The following NCOR2 variants were observed in gnomAD, a reference collection of about 807,000 sequenced individuals.
NCOR2 encodes nuclear receptor corepressor 2.
Under a neutral mutation model 262.9 loss-of-function variants are expected in NCOR2, and 81 were observed. The ratio of observed to expected loss-of-function variants is 0.31; its 90% CI spans 0.26 to 0.37. The LOEUF (loss-of-function observed/expected upper bound fraction) is 0.37, where lower values mean the gene tolerates loss of function less well. NCOR2 is among the 10% of genes least tolerant of loss of function. The pLI is 1.00. For synonymous variants in NCOR2, 1,659 were observed against 1,559.3 expected (o/e 1.06, Z -1.51); for missense variants, 3,385 against 3,621.4 (o/e 0.93, Z 1.68).
At position 124,517,804 on chromosome 12, in the gene NCOR2, G is replaced by A. The variant is rs528955260; in HGVS notation, c.-118+17761C>T. ...GCCTGCCCGGCCAGCGCCTCCGAGC[G>A]CTCTTTTCCGTGACTGCAGCAACTT... On this transcript the variant is annotated intron_variant, in intron 1 of 46. Coordinates refer to the NCOR2 transcript ENST00000404621. This position sits in a 1 kb window ranked among gnomAD's most constrained non-coding sequence, Gnocchi z 7.6. Among the ~76,000 whole-genome samples the A allele has an allele frequency of 8.7e-4, 133 of 152,274 alleles. 1 individual carries two copies. Among genetic ancestry groups the A allele is most frequent in the South Asian group, 1.4e-3 (7 of 4,830 alleles).
At chr12:124,335,887 G>T in intron 38 of NCOR2, 1 of 509,300 alleles carries the variant, frequency 2.0e-6, no homozygotes, top group Non-Finnish European at 3.5e-6. Flanking sequence ...AGAGAGATTA[G>T]GCAAGAAGGG....
At chr12:124,357,657 A>G (rs2038056820) in intron 22 of NCOR2, among the ~76,000 whole-genome samples, 1 of 152,226 alleles carries the variant, frequency 6.6e-6, no homozygotes, top group South Asian at 2.1e-4. Context: ...GCATTTATGT[A>G]TTGTCTATGG....
chr12:124,532,613 G>A (rs143655994), intron 1 of NCOR2, among the ~76,000 whole-genome samples: 73 of 152,320 alleles, frequency 4.8e-4, no homozygotes, highest in African/African-American at 1.7e-3. Flanking sequence ...AGTGCTTGCA[G>A]ACAAAAAGCC....
intron 7 of NCOR2, among the ~76,000 whole-genome samples, chr12:124,448,608 C>G (rs909272785): frequency 6.6e-6 from 1 of 152,106 alleles, no homozygotes; most frequent in African/African-American, 2.4e-5. Flanking sequence ...AGGGCCTCAA[C>G]TAGCAAGGAG....
chr12:124,376,677 A>G (rs11837407), intron 18 of NCOR2, among the ~76,000 whole-genome samples: 75,215 of 152,046 alleles, frequency 0.49, 19,469 homozygotes, highest in Middle Eastern at 0.59. Flanking sequence ...GGAAGCGGGG[A>G]TTCGGGCTGG....
intron 31 of NCOR2, among the ~76,000 whole-genome samples, chr12:124,345,690 A>G (rs1199012612): frequency 1.3e-5 from 2 of 152,210 alleles, no homozygotes; most frequent in African/African-American, 2.4e-5. Flanking sequence ...GATGCTTCCA[A>G]GGACTCCATA....
chr12:124,345,417 C>A (rs1221718904), intron 31 of NCOR2, among the ~76,000 whole-genome samples: 3 of 152,152 alleles, frequency 2.0e-5, no homozygotes, highest in Non-Finnish European at 4.4e-5. Context: ...GAGGTCAGGG[C>A]TGAGGTGTTT....
intron 1 of NCOR2, among the ~76,000 whole-genome samples, chr12:124,511,295 C>A (rs920424213): frequency 6.6e-6 from 1 of 152,182 alleles, no homozygotes; most frequent in Non-Finnish European, 1.5e-5. Flanking sequence ...TCCAAGTGGC[C>A]GAGAACTCTG....
chr12:124,356,835 C>T (rs1375943909), intron 22 of NCOR2, 53 bp from the exon 25 acceptor site: 1 of 1,425,642 alleles, frequency 7.0e-7, no homozygotes, highest in African/African-American at 1.5e-5. Context: ...GCAGTCAGAC[C>T]TCGGGAGCCC....
chr12:124,449,268 C>T (rs2045376915), intron 7 of NCOR2, among the ~76,000 whole-genome samples: 1 of 152,166 alleles, frequency 6.6e-6, no homozygotes, highest in Admixed American at 6.5e-5. Context: ...GGAAAAGGCC[C>T]CCATCATTAG....
intron 15 of NCOR2, among the ~76,000 whole-genome samples, chr12:124,399,404 C>A (rs1296647112): frequency 2.0e-5 from 3 of 152,120 alleles, no homozygotes; most frequent in Non-Finnish European, 4.4e-5. Context: ...AGAGGACTAT[C>A]CCCAGAGATC....
chr12:124,487,704 G>C (rs1397104887), intron 1 of NCOR2, among the ~76,000 whole-genome samples: 1 of 152,246 alleles, frequency 6.6e-6, no homozygotes, highest in African/African-American at 2.4e-5. Flanking sequence ...TGACAGTCTT[G>C]ACGCTGATAG....
At chr12:124,361,085 G>A (rs754014076) in intron 22 of NCOR2, among the ~76,000 whole-genome samples, 2 of 143,492 alleles carry the variant, frequency 1.4e-5, no homozygotes, top group Non-Finnish European at 3.0e-5. Flanking sequence ...TTGTGCCACT[G>A]CACTCCAACC....
chr12:124,420,314 A>C (rs1593457871), intron 12 of NCOR2, among the ~76,000 whole-genome samples: 1 of 152,218 alleles, frequency 6.6e-6, no homozygotes, highest in South Asian at 2.1e-4. Context: ...CCTGGCCCAG[A>C]GCAAACATGA....
chr12:124,559,128 C>G (rs142339127), intron 1 of NCOR2, among the ~76,000 whole-genome samples: 1 of 152,286 alleles, frequency 6.6e-6, no homozygotes, highest in African/African-American at 2.4e-5. Flanking sequence ...CGGGTCTGGT[C>G]CAATTCCACC....
chr12:124,452,730 A>G (rs1159561011), intron 6 of NCOR2, among the ~76,000 whole-genome samples: 2 of 152,176 alleles, frequency 1.3e-5, no homozygotes, highest in African/African-American at 4.8e-5. Context: ...GGGCAGCAAG[A>G]GCCCGGTCAG....
intron 13 of NCOR2, among the ~76,000 whole-genome samples, chr12:124,414,002 T>C (rs2042731202): frequency 7.6e-6 from 1 of 130,948 alleles, no homozygotes; most frequent in Non-Finnish European, 1.6e-5. Context: ...TCACCTGGGG[T>C]CCCCGCATCC....
At chr12:124,474,303 A>G (rs2046982457) in intron 3 of NCOR2, among the ~76,000 whole-genome samples, 1 of 152,244 alleles carries the variant, frequency 6.6e-6, no homozygotes, top group African/African-American at 2.4e-5. Flanking sequence ...GTTAAGCTAA[A>G]AGGAGTTATC....
intron 13 of NCOR2, among the ~76,000 whole-genome samples, chr12:124,405,745 C>G (rs1565914006): frequency 1.3e-5 from 2 of 152,178 alleles, no homozygotes; most frequent in Admixed American, 6.5e-5. Flanking sequence ...CACAACTCCC[C>G]CTGAGGAGCT....
Sources: allele counts gnomAD v4.1 joint callset (sites outside exome capture counted in the v4.1 genomes callset), GRCh38; gene constraint gnomAD v4.1.1; non-coding constraint Gnocchi (gnomAD v3.1); transcripts MANE v1.5; gene names NCBI Gene and HGNC (gene_info 2026-07-23, HGNC 2026-07-21).